The following F13A1 variants were observed in gnomAD, a reference collection of about 807,000 sequenced individuals.
F13A1 encodes FSF, A subunit.
Under a neutral mutation model 80.1 loss-of-function variants are expected in F13A1, and 47 were observed. That is an observed-to-expected ratio of 0.59 (90% confidence interval 0.46 to 0.75). The LOEUF is 0.75. F13A1 is among the 30% of genes least tolerant of loss of function. F13A1 has a pLI of 0.00. For missense variants in F13A1, 817 were observed against 930.4 expected, an observed-to-expected ratio of 0.88 and a Z score of 1.59; for synonymous variants, 349 against 344.9, an observed-to-expected ratio of 1.01 and a Z score of -0.13.
At chr6:6,154,756 T>C (rs941619644) in intron 13 of F13A1, among the ~76,000 whole-genome samples, 1 of 152,246 alleles carries the variant, frequency 6.6e-6, no homozygotes, top group African/African-American at 2.4e-5. Flanking sequence ...GTGTCCAATA[T>C]ATTTTTTCCT....
At chr6:6,147,021 G>A (rs1049899961) in intron 14 of F13A1, among the ~76,000 whole-genome samples, 1 of 152,168 alleles carries the variant, frequency 6.6e-6, no homozygotes, top group Non-Finnish European at 1.5e-5. Flanking sequence ...AGATGAAACT[G>A]GAGACCAGTA....
At chr6:6,199,244 C>T (rs62408009) in intron 8 of F13A1, among the ~76,000 whole-genome samples, 4 of 152,190 alleles carry the variant, frequency 2.6e-5, no homozygotes. Context: ...AATCCCAGCA[C>T]TTTGGGAGGC....
intron 12 of F13A1, among the ~76,000 whole-genome samples, chr6:6,171,274 A>G (rs938796003): frequency 2.0e-5 from 3 of 152,120 alleles, no homozygotes; most frequent in Non-Finnish European, 2.9e-5. Context: ...TGTCTACTCT[A>G]TTATCTGCTT....
intron 10 of F13A1, among the ~76,000 whole-genome samples, chr6:6,190,043 C>T (rs1426175251): frequency 2.0e-5 from 3 of 152,152 alleles, no homozygotes; most frequent in Admixed American, 6.5e-5. Context: ...GCATTCTTCA[C>T]GTAGGTCTTG....
At chr6:6,246,824 T>C (rs1253912229) in intron 6 of F13A1, among the ~76,000 whole-genome samples, 10 of 152,206 alleles carry the variant, frequency 6.6e-5, no homozygotes, top group Non-Finnish European at 1.0e-4. Context: ...CTGATGAGTG[T>C]GCCATTTTAG....
intron 6 of F13A1, among the ~76,000 whole-genome samples, chr6:6,232,928 C>G (rs2113076440): frequency 6.6e-6 from 1 of 152,150 alleles, no homozygotes; most frequent in East Asian, 1.9e-4. Context: ...CACAACTTAT[C>G]AAAGCCTCTG....
chr6:6,192,081 A>G (rs1465593905), intron 10 of F13A1, among the ~76,000 whole-genome samples: 2 of 152,234 alleles, frequency 1.3e-5, no homozygotes, highest in Admixed American at 1.3e-4. Context: ...CAAAAGGAGC[A>G]GTATGTCTAA....
At chr6:6,146,816 A>G (rs1760288880) in intron 14 of F13A1, among the ~76,000 whole-genome samples, 1 of 152,202 alleles carries the variant, frequency 6.6e-6, no homozygotes, top group African/African-American at 2.4e-5. Context: ...AGTGTACACC[A>G]TATGTTCTAT....
intron 4 of F13A1, among the ~76,000 whole-genome samples, chr6:6,261,450 A>T (rs1757780016): frequency 6.6e-6 from 1 of 152,230 alleles, no homozygotes; most frequent in Non-Finnish European, 1.5e-5. Context: ...TTATGAAACC[A>T]GTGGTCCGCT....
chr6:6,157,197 G>A (rs4142293), intron 13 of F13A1, among the ~76,000 whole-genome samples: 73,476 of 151,902 alleles, frequency 0.48, 17,996 homozygotes, highest in African/African-American at 0.58. Flanking sequence ...CTGTTCATCA[G>A]TTTACTTACA....
chr6:6,298,958 T>G (rs1758376811), intron 3 of F13A1, among the ~76,000 whole-genome samples: 1 of 148,548 alleles, frequency 6.7e-6, no homozygotes, highest in Non-Finnish European at 1.5e-5. Flanking sequence ...TGACAAAATC[T>G]CTTAGCATTT....
chr6:6,311,959 ATTG>A (rs1300869820), intron 2 of F13A1, among the ~76,000 whole-genome samples: 11 of 147,702 alleles, frequency 7.4e-5, no homozygotes, highest in African/African-American at 2.4e-4. Flanking sequence ...TTATGTATAT[ATTG>A]TTTACATATT....
At chr6:6,175,667 G>T (rs1197277527) in intron 11 of F13A1, among the ~76,000 whole-genome samples, 1 of 152,176 alleles carries the variant, frequency 6.6e-6, no homozygotes, top group African/African-American at 2.4e-5. Context: ...ACACCTCTTT[G>T]CCTTTCTTTA....
chr6:6,174,641 G>A lies in F13A1; in HGVS notation c.1686C>T (p.Thr562=), dbSNP rs145630742. 4.9e-5 allele frequency: 79 copies of A among 1,614,128 alleles called. No homozygotes were observed. Among genetic ancestry groups the A allele is most frequent in the Admixed American group, 8.3e-5 (5 of 60,024 alleles). ...TCTTGAATTCTGCCTTCGGGACCCC[G>A]GTGTAGAAGGTGATGTTGGCTGAGA... ...AYLSANITFY[T]GVPKAEFKKE... is the part of the protein sequence containing the mutation. Residue 562 remains threonine, a synonymous_variant, in exon 12 of 15, where the codon ACC becomes ACT. Transcript: ENST00000264870.
At chr6:6,301,011 G>A (rs1236754588) in intron 3 of F13A1, among the ~76,000 whole-genome samples, 1 of 152,084 alleles carries the variant, frequency 6.6e-6, no homozygotes, top group Non-Finnish European at 1.5e-5. Context: ...TTTACCTTCT[G>A]AGTTTCTGGA....
At position 6,246,213 on chromosome 6, in the gene F13A1, G is replaced by A. The variant is rs143566961; in HGVS notation, c.798+2099C>T. On this transcript the variant is annotated intron_variant, in intron 6 of 14. Coordinates refer to ENST00000264870, the MANE Select transcript of F13A1 (RefSeq NM_000129.4). ...TGATAGATTTCCAGGATTTGTGAAC[G>A]GGAGAGTATCTGCCTGAATGACCAA... Among the ~76,000 whole-genome samples the A allele has an allele frequency of 4.7e-3, 710 of 152,264 alleles. 10 individuals carry two copies. The highest frequency in any genetic ancestry group is 3.6e-3 in the Non-Finnish European group (243 of 68,020).
At chr6:6,225,578 G>A (rs568281387) in intron 6 of F13A1, among the ~76,000 whole-genome samples, 1 of 151,956 alleles carries the variant, frequency 6.6e-6, no homozygotes, top group Non-Finnish European at 1.5e-5. Flanking sequence ...CACGATCATG[G>A]TTCACTGTAG....
chr6:6,226,847 T>C (rs915162005), intron 6 of F13A1, among the ~76,000 whole-genome samples: 8 of 152,254 alleles, frequency 5.3e-5, no homozygotes, highest in African/African-American at 1.9e-4. Flanking sequence ...AGATTACTGG[T>C]ATTAAGACAG....
At chr6:6,223,246 G>A (rs1405983261) in intron 7 of F13A1, among the ~76,000 whole-genome samples, 1 of 152,170 alleles carries the variant, frequency 6.6e-6, no homozygotes, top group Non-Finnish European at 1.5e-5. Context: ...TACCGCCAAA[G>A]CCTGTTTTCA....
Sources: gnomAD v4.1 joint callset for allele counts (sites outside exome capture counted in the v4.1 genomes callset) on GRCh38, gnomAD v4.1.1 for gene constraint, MANE v1.5 for transcripts, NCBI Gene and HGNC (gene_info 2026-07-23, HGNC 2026-07-21) for gene names.